NRXN1: variants seen among roughly 807,000 people sequenced by gnomAD.
The protein encoded by NRXN1 is neurexin 1.
Under a neutral mutation model 150.9 loss-of-function variants are expected in NRXN1, and 39 were observed. That is an observed-to-expected ratio of 0.26 (90% CI 0.20 to 0.34). The LOEUF (loss-of-function observed/expected upper bound fraction) is 0.34, where lower values mean the gene tolerates loss of function less well. Ranked by LOEUF, NRXN1 falls within the 10% of genes least tolerant of loss-of-function variation. NRXN1 has a pLI of 1.00. For missense variants in NRXN1, 1,815 were observed against 1,949.9 expected (o/e 0.93, Z 1.30); for synonymous variants, 924 against 757.0 (o/e 1.22, Z -3.62).
At chr2:50,019,947 C>CAAAAA (rs1161865745) in intron 21 of NRXN1, among the ~76,000 whole-genome samples, 1,494 of 43,268 alleles carry the variant, frequency 0.035, 372 homozygotes, top group Non-Finnish European at 0.048. Context: ...GACTCCGTCT[C>CAAAAA]AAAAAAAAAA....
chr2:50,587,523 C>A (rs1008769672), intron 8 of NRXN1, among the ~76,000 whole-genome samples: 1 of 152,018 alleles, frequency 6.6e-6, no homozygotes, highest in African/African-American at 2.4e-5. Flanking sequence ...CAGAAAGTTG[C>A]CTTGTAACTG....
intron 18 of NRXN1, among the ~76,000 whole-genome samples, chr2:50,216,540 T>C (rs906118867): frequency 5.9e-5 from 9 of 151,970 alleles, no homozygotes; most frequent in Non-Finnish European, 1.0e-4. Flanking sequence ...GAAGAGATTC[T>C]ACAAGATCTA....
At chr2:50,436,547 CAT>C (rs1228713818) in intron 17 of NRXN1, among the ~76,000 whole-genome samples, 1 of 152,010 alleles carries the variant, frequency 6.6e-6, no homozygotes, top group East Asian at 1.9e-4. Flanking sequence ...AGTTGTAAGA[CAT>C]ATTTTCTAAC....
intron 18 of NRXN1, among the ~76,000 whole-genome samples, chr2:50,205,702 C>A (rs1225158459): frequency 1.3e-5 from 2 of 151,890 alleles, no homozygotes; most frequent in African/African-American, 4.8e-5. Context: ...GGAAATAACC[C>A]AAATATCCAT....
chr2:50,882,780 ATTTTG>A (rs988486346), intron 5 of NRXN1, among the ~76,000 whole-genome samples: 5 of 151,854 alleles, frequency 3.3e-5, no homozygotes, highest in African/African-American at 7.2e-5. Context: ...CTTTAATAAT[ATTTTG>A]TTTTAAGATA....
chr2:50,435,757 A>G (rs992827207), intron 17 of NRXN1, among the ~76,000 whole-genome samples: 1 of 152,152 alleles, frequency 6.6e-6, no homozygotes, highest in Non-Finnish European at 1.5e-5. Context: ...AACATTGAGA[A>G]CACATGGACA....
intron 17 of NRXN1, among the ~76,000 whole-genome samples, chr2:50,410,185 G>T: frequency 6.6e-6 from 1 of 151,754 alleles, no homozygotes; most frequent in East Asian, 1.9e-4. Flanking sequence ...CCTTCACCAG[G>T]ATAGAGTGAA....
intron 5 of NRXN1, among the ~76,000 whole-genome samples, chr2:50,873,572 G>A (rs966000690): frequency 9.9e-5 from 15 of 151,680 alleles, no homozygotes; most frequent in African/African-American, 2.2e-4. Flanking sequence ...CATTTTGGGC[G>A]GGGTGGTTTA....
chr2:50,263,886 T>C (rs1162030616), intron 17 of NRXN1, among the ~76,000 whole-genome samples: 1 of 152,084 alleles, frequency 6.6e-6, no homozygotes, highest in African/African-American at 2.4e-5. Flanking sequence ...TAGACCAGAA[T>C]TGGTCTAGAG....
intron 5 of NRXN1, among the ~76,000 whole-genome samples, chr2:50,776,103 A>C (rs1345043788): frequency 6.6e-6 from 1 of 152,140 alleles, no homozygotes; most frequent in Non-Finnish European, 1.5e-5. Context: ...ACTGAGAACA[A>C]CATATATCCC....
At chr2:50,861,994 G>A (rs1481012748) in intron 5 of NRXN1, among the ~76,000 whole-genome samples, 2 of 151,898 alleles carry the variant, frequency 1.3e-5, no homozygotes, top group African/African-American at 2.4e-5. Flanking sequence ...CTGAGGTCAC[G>A]AGTTCAAGAC....
intron 18 of NRXN1, among the ~76,000 whole-genome samples, chr2:50,219,992 TA>T (rs1312109100): frequency 7.2e-4 from 26 of 36,228 alleles, no homozygotes; most frequent in Middle Eastern, 0.015. Context: ...ATATTATATA[TA>T]ATATATATTA....
intron 5 of NRXN1, among the ~76,000 whole-genome samples, chr2:50,629,028 A>G (rs1681735476): frequency 1.3e-5 from 2 of 151,768 alleles, no homozygotes; most frequent in Admixed American, 6.6e-5. Flanking sequence ...ACTCTCATAC[A>G]TTATTGGTAG....
chr2:50,191,211 T>TG (rs975470594), intron 18 of NRXN1, among the ~76,000 whole-genome samples: 22 of 151,254 alleles, frequency 1.5e-4, no homozygotes, highest in Non-Finnish European at 3.0e-4. Context: ...TTTTGTTTTT[T>TG]TTTTTTTTAG....
intron 5 of NRXN1, among the ~76,000 whole-genome samples, chr2:50,828,804 G>T (rs1431028322): frequency 6.6e-6 from 1 of 151,870 alleles, no homozygotes; most frequent in African/African-American, 2.4e-5. Context: ...AGGCAGAGAC[G>T]CTCCTCACTT....
intron 5 of NRXN1, among the ~76,000 whole-genome samples, chr2:50,838,110 T>C (rs772548458): frequency 3.3e-5 from 5 of 152,140 alleles, no homozygotes; most frequent in Admixed American, 6.6e-5. Flanking sequence ...AAACATTTCA[T>C]TGTCTACTGC....
chr2:50,163,829 G>A (rs984226505), intron 18 of NRXN1, among the ~76,000 whole-genome samples: 1 of 152,152 alleles, frequency 6.6e-6, no homozygotes, highest in Non-Finnish European at 1.5e-5. Context: ...ATGCCATATG[G>A]ATTTTCAGGG....
At chr2:50,933,963 A>G (rs923153998) in intron 2 of NRXN1, among the ~76,000 whole-genome samples, 4 of 152,144 alleles carry the variant, frequency 2.6e-5, no homozygotes, top group Non-Finnish European at 4.4e-5. Context: ...ACTGCTTTCT[A>G]TGACTACCGG....
intron 21 of NRXN1, among the ~76,000 whole-genome samples, chr2:49,957,474 T>A (rs1484734339): frequency 6.6e-6 from 1 of 152,150 alleles, no homozygotes; most frequent in Non-Finnish European, 1.5e-5. Context: ...CCCTAATCTT[T>A]AGAGACAAAC....
Sources: allele counts gnomAD v4.1 joint callset (sites outside exome capture counted in the v4.1 genomes callset), GRCh38; gene constraint gnomAD v4.1.1; transcripts MANE v1.5; gene names NCBI Gene and HGNC (gene_info 2026-07-23, HGNC 2026-07-21).